Variants in EIPR1 observed in about 807,000 individuals in gnomAD.
The protein encoded by EIPR1 is EARP and GARP complex-interacting protein 1.
Under a neutral mutation model 48.1 loss-of-function variants are expected in EIPR1, and 25 were observed. The observed-to-expected ratio is 0.52, with a 90% CI of 0.38 to 0.73. EIPR1 has a LOEUF of 0.73. EIPR1 is among the 30% of genes least tolerant of loss of function. The pLI, the probability that EIPR1 is intolerant of heterozygous loss-of-function variation, is 0.00. For missense variants in EIPR1, 415 were observed against 506.2 expected (o/e 0.82, Z 1.73); for synonymous variants, 204 against 201.9 (o/e 1.01, Z -0.09).
chr2:3,233,885 T>A (rs1470150643), intron 4 of EIPR1, among the ~76,000 whole-genome samples: 1 of 152,212 alleles, frequency 6.6e-6, no homozygotes, highest in Non-Finnish European at 1.5e-5. Flanking sequence ...GGAGTCAAAG[T>A]TCTCAGCACC....
chr2:3,333,898 C>T (rs1333691664), intron 3 of EIPR1, among the ~76,000 whole-genome samples: 1 of 152,190 alleles, frequency 6.6e-6, no homozygotes, highest in African/African-American at 2.4e-5. Context: ...TCGGCCTGCC[C>T]TCTCCACGTG....
chr2:3,368,536 C>T (rs1671031689), intron 1 of EIPR1, among the ~76,000 whole-genome samples: 1 of 152,174 alleles, frequency 6.6e-6, no homozygotes, highest in African/African-American at 2.4e-5. Flanking sequence ...GGCAGAGCCA[C>T]CACTGCCTAG....
chr2:3,354,799 T>G (rs1387499062), intron 1 of EIPR1, among the ~76,000 whole-genome samples, 166 bp from the exon 2 acceptor site: 1 of 152,234 alleles, frequency 6.6e-6, no homozygotes, highest in Non-Finnish European at 1.5e-5. Flanking sequence ...TGCCTTTGAC[T>G]TTTGCACACT....
intron 3 of EIPR1, among the ~76,000 whole-genome samples, chr2:3,314,896 G>A (rs967589116): frequency 6.6e-6 from 1 of 151,804 alleles, no homozygotes; most frequent in African/African-American, 2.4e-5. Context: ...CTCACTCTCA[G>A]GACCAGCAAC....
At chr2:3,370,557 C>T (rs555268668) in intron 1 of EIPR1, among the ~76,000 whole-genome samples, 1 of 152,094 alleles carries the variant, frequency 6.6e-6, no homozygotes, top group Non-Finnish European at 1.5e-5. Context: ...GCTGATGGAG[C>T]TGAAAGCCAA....
In EIPR1 at chr2:3,331,176, G is replaced by GGC. The variant is rs199949480; in HGVS notation, c.259+6840_259+6841insGC. On this transcript the variant is annotated intron_variant, in intron 3 of 8. Transcript: ENST00000382125. ...TCATGAGATGGTGTGAGCAGAGGCA[G>GGC]GTGTACACTCATATGGTGTGAGCAG... Among the ~76,000 whole-genome samples, 13 of 117,716 alleles carry GGC rather than the reference G, an allele frequency of 1.1e-4. No homozygotes were observed. In the East Asian group the frequency reaches 3.0e-3, roughly 28 times the overall value. 77.2% of individuals were successfully genotyped at this position (117,716 alleles called of 152,430 possible).
chr2:3,255,497 T>C (rs1305319525), intron 4 of EIPR1, among the ~76,000 whole-genome samples: 1 of 152,234 alleles, frequency 6.6e-6, no homozygotes, highest in East Asian at 1.9e-4. Context: ...ACAACTATTT[T>C]CATAAGTCTA....
chr2:3,308,510 A>AGGGGG (rs2103305139), intron 3 of EIPR1, among the ~76,000 whole-genome samples: 1 of 152,298 alleles, frequency 6.6e-6, no homozygotes, highest in East Asian at 1.9e-4. Context: ...AATAGACGGA[A>AGGGGG]AAAAAAATGA....
chr2:3,277,754 T>C (rs1667899820), intron 3 of EIPR1, among the ~76,000 whole-genome samples: 1 of 152,244 alleles, frequency 6.6e-6, no homozygotes, highest in South Asian at 2.1e-4. Flanking sequence ...TCCATTTACT[T>C]GTTGCGCAGC....
chr2:3,247,231 C>G (rs1666861991), intron 4 of EIPR1, among the ~76,000 whole-genome samples: 1 of 152,150 alleles, frequency 6.6e-6, no homozygotes, highest in South Asian at 2.1e-4. Context: ...TAGGACGACT[C>G]TTGATATACC....
intron 3 of EIPR1, among the ~76,000 whole-genome samples, chr2:3,328,585 T>G (rs1237293291): frequency 1.0e-5 from 1 of 98,188 alleles, no homozygotes; most frequent in Non-Finnish European, 2.0e-5. Context: ...GATCAGACTC[T>G]ACCCACCACG....
chr2:3,270,608 G>T (rs375513485), intron 3 of EIPR1, among the ~76,000 whole-genome samples: 19 of 152,168 alleles, frequency 1.2e-4, no homozygotes, highest in East Asian at 5.8e-4. Context: ...ACACTATAAT[G>T]CAGTCAAGTA....
chr2:3,341,683 G>C (rs1670253969), intron 2 of EIPR1, among the ~76,000 whole-genome samples: 2 of 151,816 alleles, frequency 1.3e-5, no homozygotes, highest in African/African-American at 4.8e-5. Flanking sequence ...GCAGGTGCAG[G>C]CGTGTGGGAG....
At chr2:3,375,607 A>G (rs1210894246) in intron 1 of EIPR1, among the ~76,000 whole-genome samples, 1 of 152,122 alleles carries the variant, frequency 6.6e-6, no homozygotes, top group Non-Finnish European at 1.5e-5. Context: ...ATGTGTATCT[A>G]GTTAAAGAGA....
At chr2:3,313,431 G>A (rs955968043) in intron 3 of EIPR1, among the ~76,000 whole-genome samples, 23 of 106,114 alleles carry the variant, frequency 2.2e-4, no homozygotes, top group African/African-American at 7.3e-4. Context: ...GGCAGGAGAC[G>A]AGGTCAAAAG....
At chr2:3,221,873 T>C (rs1011453099) in intron 4 of EIPR1, among the ~76,000 whole-genome samples, 3 of 152,202 alleles carry the variant, frequency 2.0e-5, no homozygotes, top group African/African-American at 7.2e-5. Context: ...CAGGTGCACA[T>C]GCACACGATG....
intron 3 of EIPR1, among the ~76,000 whole-genome samples, chr2:3,270,960 T>C (rs1360627767): frequency 6.6e-6 from 1 of 152,268 alleles, no homozygotes; most frequent in Non-Finnish European, 1.5e-5. Flanking sequence ...TTTAAAACCC[T>C]AACACTGCTT....
At chr2:3,217,958 C>T (rs10188046) in intron 4 of EIPR1, among the ~76,000 whole-genome samples, 1 of 151,302 alleles carries the variant, frequency 6.6e-6, no homozygotes, top group African/African-American at 2.4e-5. Context: ...CACGTGAGTC[C>T]GGGGCACACC....
intron 4 of EIPR1, among the ~76,000 whole-genome samples, chr2:3,255,120 TGGCATTCCAA>T (rs1244189873): frequency 6.6e-6 from 1 of 152,000 alleles, no homozygotes; most frequent in Non-Finnish European, 1.5e-5. Flanking sequence ...TCAGAGCAAA[TGGCATTCCAA>T]GGTAGATCTG....
Sources: allele counts gnomAD v4.1 joint callset (sites outside exome capture counted in the v4.1 genomes callset), GRCh38; gene constraint gnomAD v4.1.1; transcripts MANE v1.5; gene names NCBI Gene and HGNC (gene_info 2026-07-23, HGNC 2026-07-21).